ZFR: variants seen among roughly 807,000 people sequenced by gnomAD.
ZFR encodes zinc finger RNA-binding protein.
A neutral mutation model predicts 130.7 loss-of-function variants in ZFR; 19 were observed. The ratio of observed to expected loss-of-function variants is 0.15; its 90% CI spans 0.10 to 0.21. ZFR has a LOEUF of 0.21. Among genes scored for constraint, ZFR ranks in the 10% least tolerant of loss-of-function variants. ZFR has a pLI of 1.00. For missense variants in ZFR, 872 were observed against 1,321.5 expected (o/e 0.66, Z 5.27); for synonymous variants, 466 against 456.9 (o/e 1.02, Z -0.25).
intron 2 of ZFR, among the ~76,000 whole-genome samples, chr5:32,421,976 T>A (rs1753968429): frequency 6.6e-6 from 1 of 152,176 alleles, no homozygotes; most frequent in African/African-American, 2.4e-5. Flanking sequence ...AGATACTATT[T>A]AAAATACAAA....
chr5:32,428,500 G>C (rs977649238), intron 2 of ZFR, among the ~76,000 whole-genome samples: 2 of 152,216 alleles, frequency 1.3e-5, no homozygotes, highest in Non-Finnish European at 2.9e-5. Flanking sequence ...CTTGAGCCTA[G>C]GAGGAGTTCG....
At chr5:32,407,349 C>T (rs530838619) in intron 5 of ZFR, among the ~76,000 whole-genome samples, 1 of 150,924 alleles carries the variant, frequency 6.6e-6, no homozygotes, top group South Asian at 2.1e-4. Context: ...GCTAATATGT[C>T]CCCAAATAAA....
At chr5:32,383,903 T>C (rs772712585) in intron 15 of ZFR, 3 of 424,400 alleles carry the variant, frequency 7.1e-6, no homozygotes, top group Non-Finnish European at 1.4e-5. Context: ...TGAAGCAAAA[T>C]CTTTCCATTT....
intron 5 of ZFR, among the ~76,000 whole-genome samples, chr5:32,410,673 T>A (rs1306766015): frequency 6.6e-6 from 1 of 152,166 alleles, no homozygotes; most frequent in African/African-American, 2.4e-5. Context: ...AAATGTATGA[T>A]ACCAGAAACA....
At chr5:32,391,857 C>G (rs1753186512) in intron 11 of ZFR, among the ~76,000 whole-genome samples, 1 of 151,996 alleles carries the variant, frequency 6.6e-6, no homozygotes, top group African/African-American at 2.4e-5. Flanking sequence ...CCTCAGCCCC[C>G]CAAGCAGATG....
chr5:32,435,663 G>A (rs1398733815), intron 2 of ZFR, among the ~76,000 whole-genome samples: 1 of 152,126 alleles, frequency 6.6e-6, no homozygotes, highest in African/African-American at 2.4e-5. Context: ...CCATCAAAAA[G>A]GGTCATATTT....
chr5:32,401,960 CATT>C (rs940204789), intron 8 of ZFR, among the ~76,000 whole-genome samples: 7 of 152,258 alleles, frequency 4.6e-5, no homozygotes, highest in Middle Eastern at 6.8e-3. Context: ...AATTTTATGA[CATT>C]ATTTCATGGT....
At chr5:32,393,193 C>T (rs77229077) in intron 11 of ZFR, among the ~76,000 whole-genome samples, 1 of 151,972 alleles carries the variant, frequency 6.6e-6, no homozygotes, top group African/African-American at 2.4e-5. Flanking sequence ...ATAACTTTTC[C>T]CACTATTCTG....
chr5:32,403,837 T>TA (rs971868462), intron 7 of ZFR, 69 bp downstream of exon 7: 1 of 1,446,370 alleles, frequency 6.9e-7, no homozygotes. Context: ...TACCTTTACC[T>TA]AACCCCCTTT....
Position 32,395,300 on chromosome 5 carries a change from T to G in ZFR, c.1838A>C (p.Lys613Thr). The change falls in exon 11 of 20, where the codon AAA becomes ACA. Residue 613 changes from lysine to threonine, a missense_variant. This residue lies in a region of ZFR where 54 missense variants were observed against 119.9 expected (regional missense o/e 0.45). Transcript: ENST00000265069. ...TTCTACTTGCAAATCTGGATTTACT[T>G]TTTTCTATTAATATAAATAAGACAT... ...GRRHRLQYKKKVNPDLQVEVK... is the reference protein window; with the variant it reads ...GRRHRLQYKKTVNPDLQVEVK... 1 of 1,577,238 alleles carries G rather than the reference T, an allele frequency of 6.3e-7. No homozygotes were observed. Among genetic ancestry groups the G allele is most frequent in the Non-Finnish European group, 8.6e-7 (1 of 1,167,184 alleles).
chr5:32,380,029 C>A, intron 16 of ZFR, 46 bp downstream of exon 16: 1 of 1,525,568 alleles, frequency 6.6e-7, no homozygotes, highest in South Asian at 1.1e-5. Flanking sequence ...TACTGAACTA[C>A]TTCTCTCATA....
chr5:32,363,697 G>GC (rs919319303), intron 19 of ZFR, among the ~76,000 whole-genome samples: 15 of 152,118 alleles, frequency 9.9e-5, no homozygotes, highest in African/African-American at 3.6e-4. Flanking sequence ...TGAAAATATT[G>GC]CTGTATTTTT....
chr5:32,372,707 C>T (rs889844161), intron 17 of ZFR, among the ~76,000 whole-genome samples: 10 of 151,862 alleles, frequency 6.6e-5, no homozygotes, highest in African/African-American at 2.2e-4. Flanking sequence ...GTGGCGCGCG[C>T]GCTTGTAATC....
chr5:32,416,836 C>G (rs1753836897), intron 4 of ZFR, among the ~76,000 whole-genome samples: 1 of 151,812 alleles, frequency 6.6e-6, no homozygotes, highest in Non-Finnish European at 1.5e-5. Flanking sequence ...GAAGCCAATT[C>G]TACTCTCTTA....
chr5:32,412,358 A>G (rs1303825848), intron 5 of ZFR, among the ~76,000 whole-genome samples: 4 of 152,270 alleles, frequency 2.6e-5, no homozygotes, highest in African/African-American at 9.6e-5. Context: ...GGGACATTCT[A>G]CAAGACAACT....
intron 12 of ZFR, 116 bp downstream of exon 12, chr5:32,390,159 A>G (rs1753132992): frequency 7.2e-7 from 1 of 1,381,324 alleles, no homozygotes; most frequent in Non-Finnish European, 9.7e-7. Context: ...TGTCTCAAAA[A>G]AACTACCAAG....
At chr5:32,428,949 T>C (rs567842446) in intron 2 of ZFR, among the ~76,000 whole-genome samples, 3 of 148,136 alleles carry the variant, frequency 2.0e-5, no homozygotes, top group African/African-American at 7.4e-5. Flanking sequence ...CCACAGTAGG[T>C]GAATTAGAAA....
intron 9 of ZFR, among the ~76,000 whole-genome samples, chr5:32,399,013 C>T (rs1410417583): frequency 6.6e-6 from 1 of 151,978 alleles, no homozygotes; most frequent in African/African-American, 2.4e-5. Flanking sequence ...CAGTGTCTCA[C>T]GCCTGTAATC....
chr5:32,378,341 G>T (rs547908429), intron 17 of ZFR, among the ~76,000 whole-genome samples: 1 of 152,040 alleles, frequency 6.6e-6, no homozygotes, highest in Non-Finnish European at 1.5e-5. Flanking sequence ...TCTAAGATGA[G>T]ATTTGTTAAG....
Sources: gnomAD v4.1 joint callset for allele counts (sites outside exome capture counted in the v4.1 genomes callset) on GRCh38, gnomAD v4.1.1 for gene constraint, gnomAD v4.1.1 regional missense constraint, MANE v1.5 for transcripts, NCBI Gene and HGNC (gene_info 2026-07-23, HGNC 2026-07-21) for gene names.